Variants in SORCS1 observed in about 807,000 individuals in gnomAD.
SORCS1 encodes the protein VPS10 domain-containing receptor SorCS1.
Under a neutral mutation model 146.1 loss-of-function variants are expected in SORCS1, and 60 were observed. The ratio of observed to expected loss-of-function variants is 0.41; its 90% CI spans 0.33 to 0.51. The LOEUF (loss-of-function observed/expected upper bound fraction) is 0.51. Ranked by LOEUF, SORCS1 falls within the 20% of genes least tolerant of loss-of-function variation. The pLI is 0.21. For missense variants in SORCS1, 1,352 were observed against 1,487.6 expected, an observed-to-expected ratio of 0.91 and a Z score of 1.50; for synonymous variants, 637 against 584.0, an observed-to-expected ratio of 1.09 and a Z score of -1.31.
At chr10:106,706,992 C>T (rs946624621) in intron 7 of SORCS1, among the ~76,000 whole-genome samples, 2 of 152,084 alleles carry the variant, frequency 1.3e-5, no homozygotes, top group Non-Finnish European at 2.9e-5. Flanking sequence ...GGTCCCTGTG[C>T]CATATCAGAA....
intron 1 of SORCS1, among the ~76,000 whole-genome samples, chr10:107,053,847 T>C (rs1412679083): frequency 2.6e-5 from 4 of 152,214 alleles, no homozygotes; most frequent in Admixed American, 6.5e-5. Context: ...ACACCTTGTC[T>C]GCATTTCTGA....
At chr10:106,891,457 T>A (rs938472028) in intron 2 of SORCS1, among the ~76,000 whole-genome samples, 6 of 149,508 alleles carry the variant, frequency 4.0e-5, no homozygotes, top group Non-Finnish European at 8.9e-5. Flanking sequence ...CCTGTTCTCT[T>A]GACCTATGTC....
intron 2 of SORCS1, among the ~76,000 whole-genome samples, chr10:106,927,994 A>G (rs1055573412): frequency 4.6e-5 from 7 of 152,246 alleles, no homozygotes; most frequent in African/African-American, 1.7e-4. Flanking sequence ...TTAGCTAGAC[A>G]TAAAGGTTCT....
In SORCS1 at chr10:107,028,185, G is replaced by T. The variant is rs148568900; in HGVS notation, c.559-71605C>A. 2.9e-3 allele frequency among the ~76,000 whole-genome samples: 434 copies of T among 152,226 alleles called. 2 individuals carry two copies. The highest frequency in any genetic ancestry group is 5.1e-3 in the Non-Finnish European group (345 of 68,004). ...ATCAGTGGCCACTGTATCTTAAGCT[G>T]GTAAAGCCACTCAGATGGTTGAAAA... is the stretch of plus-strand genomic sequence containing the variant. On this transcript the variant is annotated intron_variant, in intron 1 of 25. Coordinates refer to ENST00000263054, the MANE Select transcript of SORCS1 (RefSeq NM_052918.5).
intron 1 of SORCS1, among the ~76,000 whole-genome samples, chr10:106,975,536 G>A (rs534130954): frequency 6.6e-6 from 1 of 152,346 alleles, no homozygotes; most frequent in East Asian, 1.9e-4. Context: ...TCAAGGAAGA[G>A]CTGGTAGACC....
Position 107,076,265 on chromosome 10 carries a change from T to C in SORCS1, c.558+87704A>G, listed in dbSNP as rs189003190. 6.6e-5 allele frequency among the ~76,000 whole-genome samples: 10 copies of C among 152,296 alleles called. No individual in the cohort carries two copies. In the East Asian group the frequency reaches 1.9e-3, roughly 29 times the overall value. ...AAACTTAGTACTATAGCCTTCTTGG[T>C]GATTCATAGAGCATATTAGCATGTT... On this transcript the variant is annotated intron_variant, in intron 1 of 25. Coordinates refer to ENST00000263054, the MANE Select transcript of SORCS1 (RefSeq NM_052918.5).
At chr10:106,825,586 T>C (rs1303170880) in intron 3 of SORCS1, among the ~76,000 whole-genome samples, 1 of 152,092 alleles carries the variant, frequency 6.6e-6, no homozygotes, top group East Asian at 1.9e-4. Flanking sequence ...TTTTTTTTTT[T>C]CTTTGCTACA....
chr10:106,887,047 A>G (rs931414216), intron 2 of SORCS1, among the ~76,000 whole-genome samples: 2 of 152,234 alleles, frequency 1.3e-5, no homozygotes, highest in African/African-American at 4.8e-5. Flanking sequence ...TATCAATTAC[A>G]ACAAGTCTTA....
chr10:107,033,822 A>G (rs766381933), intron 1 of SORCS1, among the ~76,000 whole-genome samples: 1 of 152,164 alleles, frequency 6.6e-6, no homozygotes, highest in African/African-American at 2.4e-5. Context: ...GAATTCTGCC[A>G]TCTCTAGTAC....
chr10:107,049,416 T>C (rs1205558153), intron 1 of SORCS1, among the ~76,000 whole-genome samples: 1 of 151,916 alleles, frequency 6.6e-6, no homozygotes, highest in African/African-American at 2.4e-5. Context: ...ACTTAAGGTA[T>C]AATAAAAAAA....
intron 1 of SORCS1, among the ~76,000 whole-genome samples, chr10:107,106,673 A>G (rs1000614152): frequency 1.3e-5 from 2 of 152,164 alleles, no homozygotes; most frequent in African/African-American, 4.8e-5. Context: ...AAAATTATCA[A>G]TCCTAGAAAT....
chr10:107,018,718 A>G (rs1958004517), intron 1 of SORCS1, among the ~76,000 whole-genome samples: 1 of 152,136 alleles, frequency 6.6e-6, no homozygotes, highest in Non-Finnish European at 1.5e-5. Context: ...AGCAGGCAGC[A>G]GGACAAGATT....
At chr10:106,753,161 C>CT (rs1273572072) in intron 5 of SORCS1, among the ~76,000 whole-genome samples, 3 of 151,906 alleles carry the variant, frequency 2.0e-5, no homozygotes, top group African/African-American at 4.8e-5. Context: ...TCTTTCTCTC[C>CT]TTTTTTTGTA....
intron 2 of SORCS1, among the ~76,000 whole-genome samples, chr10:106,850,366 C>G (rs1187639773): frequency 6.6e-6 from 1 of 152,028 alleles, no homozygotes; most frequent in East Asian, 1.9e-4. Flanking sequence ...CGTCCGTCAC[C>G]CCTTTCTTTG....
At chr10:106,964,123 A>G (rs922288614) in intron 1 of SORCS1, among the ~76,000 whole-genome samples, 22 of 152,194 alleles carry the variant, frequency 1.4e-4, no homozygotes, top group Non-Finnish European at 1.5e-5. Flanking sequence ...GAGCATTAAG[A>G]AAAGGTCAAG....
chr10:106,938,721 G>A (rs887325252), intron 2 of SORCS1, among the ~76,000 whole-genome samples: 2 of 152,192 alleles, frequency 1.3e-5, no homozygotes, highest in African/African-American at 4.8e-5. Flanking sequence ...AACAAACAAA[G>A]TGGTTATTCT....
At chr10:106,686,263 T>C (rs988899502) in intron 10 of SORCS1, among the ~76,000 whole-genome samples, 3 of 152,126 alleles carry the variant, frequency 2.0e-5, no homozygotes, top group African/African-American at 4.8e-5. Flanking sequence ...TAAGCTGATA[T>C]TACATTTATA....
chr10:106,914,444 C>G (rs371709335), intron 2 of SORCS1, among the ~76,000 whole-genome samples: 108 of 152,212 alleles, frequency 7.1e-4, no homozygotes, highest in African/African-American at 2.5e-3. Flanking sequence ...GCTATATGAC[C>G]AACATCTATA....
intron 2 of SORCS1, among the ~76,000 whole-genome samples, chr10:106,877,269 AC>A (rs1485777821): frequency 1.3e-5 from 2 of 152,162 alleles, no homozygotes; most frequent in Non-Finnish European, 1.5e-5. Context: ...CTACTTTTGA[AC>A]AAGTAGAACT....
Sources: gnomAD v4.1 joint callset for allele counts (sites outside exome capture counted in the v4.1 genomes callset) on GRCh38, gnomAD v4.1.1 for gene constraint, MANE v1.5 for transcripts, NCBI Gene and HGNC (gene_info 2026-07-23, HGNC 2026-07-21) for gene names.